The following FHIT variants were observed in gnomAD, a reference collection of about 807,000 sequenced individuals.
The protein encoded by FHIT is bis(5'-adenosyl)-triphosphatase.
A neutral mutation model predicts 17.9 loss-of-function variants in FHIT; 19 were observed. That is an observed-to-expected ratio of 1.06 (90% confidence interval 0.74 to 1.56). The LOEUF (loss-of-function observed/expected upper bound fraction) is 1.56. Among genes scored for constraint, FHIT ranks in the 40% most tolerant of loss-of-function variants. The probability of loss-of-function intolerance (pLI) is 0.00; values close to 1 mark genes in which losing one functional copy is unlikely to be tolerated. For missense variants in FHIT, 248 were observed against 189.2 expected, an observed-to-expected ratio of 1.31 and a Z score of -1.82; for synonymous variants, 81 against 69.7, an observed-to-expected ratio of 1.16 and a Z score of -0.81.
rs137970503 is a variant in FHIT, at chr3:59,864,115, G to C, written c.348+58231C>G. ...CAGTGATCGGCCTATATTCTTAAAA[G>C]GAAGAGACATATACACAGTACCTAG... On this transcript the variant is annotated intron_variant, in intron 8 of 9. Transcript: ENST00000492590. Among the ~76,000 whole-genome samples the C allele has an allele frequency of 3.9e-5, 6 of 152,134 alleles. 1 individual carries two copies. The highest frequency in any genetic ancestry group is 1.4e-4 in the African/African-American group (6 of 41,550).
Position 60,493,975 on chromosome 3 carries a change from A to C in FHIT, c.103+42885T>G, listed in dbSNP as rs1430339776. On this transcript the variant is annotated intron_variant, in intron 5 of 9. Transcript: ENST00000492590. ...ACATGCTTTGTAGTTTTTTCAGATC[A>C]AGAGGGAGGTAGACAAATTACAGAA... 3.9e-5 allele frequency among the ~76,000 whole-genome samples: 6 copies of C among 152,104 alleles called. No individual in the cohort carries two copies. The East Asian group carries it at 1.2e-3, about 30-fold the overall frequency.
At chr3:60,595,941 T>C (rs2038256362) in intron 4 of FHIT, among the ~76,000 whole-genome samples, 1 of 151,990 alleles carries the variant, frequency 6.6e-6, no homozygotes, top group African/African-American at 2.4e-5. Context: ...TATATTTTCC[T>C]TTGCAATACA....
intron 3 of FHIT, among the ~76,000 whole-genome samples, chr3:60,945,447 C>T: frequency 6.6e-6 from 1 of 152,102 alleles, no homozygotes. Context: ...CACTGGAGTG[C>T]AGTGGTACAA....
At chr3:60,318,660 T>C (rs1226704567) in intron 5 of FHIT, among the ~76,000 whole-genome samples, 2 of 152,216 alleles carry the variant, frequency 1.3e-5, no homozygotes, top group African/African-American at 4.8e-5. Context: ...CAGAATCGTA[T>C]AGTCCAGTTT....
intron 5 of FHIT, among the ~76,000 whole-genome samples, chr3:60,288,624 T>A (rs1317224104): frequency 1.3e-5 from 2 of 151,304 alleles, no homozygotes; most frequent in Non-Finnish European, 2.9e-5. Flanking sequence ...TGTGGGTGTG[T>A]GCACGCACAC....
chr3:61,230,991 A>G (rs191443836), intron 1 of FHIT, among the ~76,000 whole-genome samples: 83 of 152,362 alleles, frequency 5.4e-4, no homozygotes, highest in African/African-American at 1.9e-3. Flanking sequence ...ATTTAAAAAT[A>G]CTCACTGGTA....
chr3:60,587,951 C>A (rs2037958991), intron 4 of FHIT, among the ~76,000 whole-genome samples: 1 of 151,372 alleles, frequency 6.6e-6, no homozygotes, highest in African/African-American at 2.4e-5. Context: ...TGCAATGCCC[C>A]TTCTCCTTTT....
chr3:59,944,889 G>A (rs1328886720), intron 7 of FHIT, among the ~76,000 whole-genome samples: 2 of 152,150 alleles, frequency 1.3e-5, no homozygotes, highest in South Asian at 2.1e-4. Context: ...AGTACTCCAT[G>A]GTGCATATTT....
chr3:60,885,104 A>G (rs1553758994), intron 3 of FHIT, among the ~76,000 whole-genome samples: 2 of 152,064 alleles, frequency 1.3e-5, no homozygotes, highest in African/African-American at 4.8e-5. Flanking sequence ...ACAGCTAGAT[A>G]GAAGGAATAA....
intron 7 of FHIT, among the ~76,000 whole-genome samples, chr3:59,964,115 T>C (rs1707813823): frequency 6.6e-6 from 1 of 152,196 alleles, no homozygotes; most frequent in Non-Finnish European, 1.5e-5. Flanking sequence ...AGCTGACCCA[T>C]AACAATTTGG....
chr3:61,013,239 T>C (rs1435712749), intron 3 of FHIT, among the ~76,000 whole-genome samples: 1 of 152,188 alleles, frequency 6.6e-6, no homozygotes, highest in Non-Finnish European at 1.5e-5. Context: ...AATTAGAAGA[T>C]ATGCTTTCCT....
At chr3:61,094,281 G>A (rs889235515) in intron 2 of FHIT, among the ~76,000 whole-genome samples, 8 of 152,130 alleles carry the variant, frequency 5.3e-5, no homozygotes, top group Non-Finnish European at 1.5e-5. Flanking sequence ...GACAGTATTT[G>A]GAAATAGTTA....
At chr3:60,375,273 A>T (rs903982565) in intron 5 of FHIT, among the ~76,000 whole-genome samples, 1 of 152,108 alleles carries the variant, frequency 6.6e-6, no homozygotes, top group Non-Finnish European at 1.5e-5. Flanking sequence ...CATTACATCA[A>T]TATTGAAAGT....
Position 59,752,322 on chromosome 3 carries a change from C to A in FHIT, c.349-1G>T, listed in dbSNP as rs1163843282. The stretch of plus-strand genomic sequence containing the variant: ...AGTCCTCCTTGTCATGTTTCTGGAG[C>A]TTTGGAGAAAAAAAAAGGAAGAGGC... On this transcript the variant is annotated splice_acceptor_variant, in intron 8 of 9. Transcript: ENST00000492590. LOFTEE classifies it high-confidence loss of function. 1 of 1,605,450 alleles carries A rather than the reference C, an allele frequency of 6.2e-7. No individual in the cohort carries two copies. The highest frequency in any genetic ancestry group is 1.1e-5 in the South Asian group (1 of 90,210).
At position 60,564,896 on chromosome 3, in the gene FHIT, A is replaced by C. The variant is rs563081178; in HGVS notation, c.-17-27917T>G. On this transcript the variant is annotated intron_variant, in intron 4 of 9. Transcript: ENST00000492590. Reference sequence around the variant, plus strand: ...GTCAAAGACGATTAACTCTAATTTTAAAATAAGTTCTACTATGAGTAAAAT... The same window carrying C: ...GTCAAAGACGATTAACTCTAATTTTCAAATAAGTTCTACTATGAGTAAAAT... Among the ~76,000 whole-genome samples, 5 of 152,320 alleles carry C rather than the reference A, an allele frequency of 3.3e-5. 1 individual carries two copies. The highest frequency in any genetic ancestry group is 3.3e-4 in the Admixed American group (5 of 15,286).
rs1340571790 is a variant in FHIT at position 60,977,029 on chromosome 3, C to T, written c.-111+65018G>A. ...GACTTGTTTTTCATCATCAACATGACGGTCTGATGATGGGTGTATGAGTTT... is the reference window on the plus strand; with the variant it reads ...GACTTGTTTTTCATCATCAACATGATGGTCTGATGATGGGTGTATGAGTTT... On this transcript the variant is annotated intron_variant, in intron 3 of 9. Transcript: ENST00000492590. Among the ~76,000 whole-genome samples the T allele has an allele frequency of 2.0e-5, 3 of 152,224 alleles. No individual in the cohort carries two copies. In the South Asian group the frequency reaches 6.2e-4, roughly 32 times the overall value.
At chr3:60,541,060 C>A (rs138467089) in intron 4 of FHIT, among the ~76,000 whole-genome samples, 1 of 152,148 alleles carries the variant, frequency 6.6e-6, no homozygotes, top group Non-Finnish European at 1.5e-5. Flanking sequence ...AACCACTGAC[C>A]AAACCCAACT....
At chr3:59,891,168 T>G (rs1469699642) in intron 8 of FHIT, among the ~76,000 whole-genome samples, 1 of 152,184 alleles carries the variant, frequency 6.6e-6, no homozygotes, top group East Asian at 1.9e-4. Flanking sequence ...TTAAAAATAG[T>G]TGATCAATCC....
At chr3:60,698,697 G>A (rs938589260) in intron 4 of FHIT, among the ~76,000 whole-genome samples, 7 of 151,894 alleles carry the variant, frequency 4.6e-5, no homozygotes, top group African/African-American at 7.3e-5. Flanking sequence ...TCTTCACTGA[G>A]TCTATATATA....
Sources: allele counts gnomAD v4.1 joint callset (sites outside exome capture counted in the v4.1 genomes callset), GRCh38; gene constraint gnomAD v4.1.1; transcripts MANE v1.5; gene names NCBI Gene and HGNC (gene_info 2026-07-23, HGNC 2026-07-21).